Variants in SOX6 observed in about 807,000 individuals in gnomAD.
SOX6 encodes transcription factor SOX-6.
SOX6 carries 11 observed loss-of-function variants against 97.8 expected under a neutral mutation model. The ratio of observed to expected loss-of-function variants is 0.11; its 90% confidence interval spans 0.07 to 0.19. The LOEUF (loss-of-function observed/expected upper bound fraction) is 0.19, where lower values mean the gene tolerates loss of function less well. Ranked by LOEUF, SOX6 falls within the 10% of genes least tolerant of loss-of-function variation. SOX6 has a pLI of 1.00. For synonymous variants in SOX6, 360 were observed against 371.4 expected, an observed-to-expected ratio of 0.97 and a Z score of 0.35; for missense variants, 810 against 1,039.5, an observed-to-expected ratio of 0.78 and a Z score of 3.04.
intron 4 of SOX6, among the ~76,000 whole-genome samples, chr11:16,580,768 C>T (rs958476124): frequency 6.6e-6 from 1 of 152,008 alleles, no homozygotes; most frequent in Non-Finnish European, 1.5e-5. Flanking sequence ...AAAACAACCC[C>T]ATCAAAAAGT....
At position 16,437,316 on chromosome 11, in the gene SOX6, C is replaced by T. The variant is rs185424135; in HGVS notation, c.-5+38999G>A. On this transcript the variant is annotated intron_variant, in intron 1 of 15. Transcript: ENST00000396356. ...GGTAAGGGCCTTAGAAATTCTCTCT[C>T]CTGAACTATTTTAAAATTAATCTTA... Among the ~76,000 whole-genome samples, 248 of 151,730 alleles carry T rather than the reference C, an allele frequency of 1.6e-3. 1 individual carries two copies. The highest frequency in any genetic ancestry group is 2.8e-3 in the Non-Finnish European group (190 of 67,932).
At chr11:16,396,071 T>G (rs1858345685) in intron 1 of SOX6, among the ~76,000 whole-genome samples, 1 of 151,714 alleles carries the variant, frequency 6.6e-6, no homozygotes, top group African/African-American at 2.4e-5. Context: ...CTTATACGTT[T>G]TGTTTCCTGA....
intron 6 of SOX6, among the ~76,000 whole-genome samples, chr11:16,117,487 A>T (rs1407391191): frequency 6.6e-6 from 1 of 152,236 alleles, no homozygotes; most frequent in Non-Finnish European, 1.5e-5. Context: ...ATTAGCAGAA[A>T]GTATAAATTA....
intron 10 of SOX6, among the ~76,000 whole-genome samples, chr11:16,053,547 A>C (rs956392049): frequency 6.6e-6 from 1 of 152,038 alleles, no homozygotes; most frequent in Non-Finnish European, 1.5e-5. Flanking sequence ...AATAATATTA[A>C]CTCCAGTTTT....
intron 3 of SOX6, among the ~76,000 whole-genome samples, chr11:16,299,982 A>C (rs1855209036): frequency 6.6e-6 from 1 of 152,200 alleles, no homozygotes; most frequent in Non-Finnish European, 1.5e-5. Flanking sequence ...TTTGGGGTTA[A>C]TTAGCACGGC....
chr11:16,089,277 G>A (rs1344458074), intron 9 of SOX6, among the ~76,000 whole-genome samples: 2 of 152,096 alleles, frequency 1.3e-5, no homozygotes, highest in African/African-American at 2.4e-5. Context: ...AATAATTCAT[G>A]TTTAGAAAAC....
At position 16,183,878 on chromosome 11, in the gene SOX6, A is replaced by G. The variant is rs1439389451; in HGVS notation, c.777+8T>C. On this transcript the variant is annotated splice_region_variant and intron_variant, in intron 6 of 15. Coordinates refer to ENST00000683767, the MANE Select transcript of SOX6 (RefSeq NM_001367873.1). ...TATAATCAGACGAGAGTAATAAAAT[A>G]CACTGACCTGGATCTGTTGCTGCAG... The G allele has an allele frequency of 6.2e-7, 1 of 1,611,506 alleles. No homozygotes were observed. The highest frequency in any genetic ancestry group is 8.5e-7 in the Non-Finnish European group (1 of 1,178,144).
At position 16,318,181 on chromosome 11, in the gene SOX6, T is replaced by G. The variant is rs142220273; in HGVS notation, c.445+265A>C. 5 of 479,646 alleles carry G rather than the reference T, an allele frequency of 1.0e-5. No homozygotes were observed. The East Asian group carries it at 2.1e-4, about 20-fold the overall frequency. The allele number at this position is 479,646 out of a possible 1,614,324, so 29.7% of individuals were successfully genotyped here. ...ATTCTCTTGTTACCTTTTTCCAGAG[T>G]AGGATTATGGTCAGTTTAAAATCCT... On this transcript the variant is annotated intron_variant, in intron 3 of 15. Coordinates refer to ENST00000683767, the MANE Select transcript of SOX6 (RefSeq NM_001367873.1).
chr11:16,592,830 A>G (rs978253375), intron 4 of SOX6, among the ~76,000 whole-genome samples: 3 of 152,166 alleles, frequency 2.0e-5, no homozygotes, highest in African/African-American at 7.2e-5. Context: ...GCTAATGGAA[A>G]TCCTCTCCAC....
chr11:16,702,835 G>A (rs1390709289), intron 3 of SOX6, among the ~76,000 whole-genome samples: 3 of 151,314 alleles, frequency 2.0e-5, no homozygotes, highest in Non-Finnish European at 4.4e-5. Flanking sequence ...GAAAAATCCT[G>A]AATATTGTAT....
intron 3 of SOX6, among the ~76,000 whole-genome samples, chr11:16,263,757 T>A (rs1853975901): frequency 6.6e-6 from 1 of 151,300 alleles, no homozygotes; most frequent in African/African-American, 2.4e-5. Context: ...AAATGTATTT[T>A]TTTAACTTCA....
At chr11:16,259,333 C>T (rs1053085848) in intron 3 of SOX6, among the ~76,000 whole-genome samples, 4 of 151,980 alleles carry the variant, frequency 2.6e-5, no homozygotes, top group Non-Finnish European at 4.4e-5. Context: ...TTGGAAATCA[C>T]AACATTCTTA....
chr11:16,224,960 T>C (rs919842596), intron 4 of SOX6, among the ~76,000 whole-genome samples: 4 of 152,152 alleles, frequency 2.6e-5, no homozygotes, highest in African/African-American at 7.2e-5. Context: ...GCTCTAACTT[T>C]TGGAGATTCT....
intron 7 of SOX6, among the ~76,000 whole-genome samples, chr11:16,102,441 T>C (rs931311288): frequency 4.6e-5 from 7 of 151,980 alleles, no homozygotes; most frequent in Non-Finnish European, 1.0e-4. Flanking sequence ...ATTTTAAAAA[T>C]GACTATACTG....
chr11:16,420,639 A>ATT (rs1565139271), intron 1 of SOX6, among the ~76,000 whole-genome samples: 1 of 152,076 alleles, frequency 6.6e-6, no homozygotes, highest in African/African-American at 2.4e-5. Flanking sequence ...TTTAAAACGT[A>ATT]TTTTTTTCTT....
At chr11:16,074,844 T>C (rs79213857) in intron 9 of SOX6, among the ~76,000 whole-genome samples, 1,610 of 152,264 alleles carry the variant, frequency 0.011, 27 homozygotes, top group African/African-American at 0.037. Context: ...ATCAATGACA[T>C]TCTTCATAGA....
intron 2 of SOX6, among the ~76,000 whole-genome samples, chr11:16,727,197 A>G (rs1590066413): frequency 6.7e-6 from 1 of 148,220 alleles, no homozygotes; most frequent in African/African-American, 2.6e-5. Flanking sequence ...TTTTGGGGAA[A>G]TATGTCATGA....
At chr11:15,983,202 C>T (rs148767066) in intron 15 of SOX6, among the ~76,000 whole-genome samples, 3 of 152,194 alleles carry the variant, frequency 2.0e-5, no homozygotes, top group East Asian at 1.9e-4. Context: ...CACACATACA[C>T]ACACACATTT....
intron 6 of SOX6, among the ~76,000 whole-genome samples, chr11:16,118,746 G>T (rs1354935234): frequency 6.6e-6 from 1 of 152,136 alleles, no homozygotes; most frequent in African/African-American, 2.4e-5. Context: ...TCTCTTTCAT[G>T]AAGATTATTT....
Sources: gnomAD v4.1 joint callset for allele counts (sites outside exome capture counted in the v4.1 genomes callset) on GRCh38, gnomAD v4.1.1 for gene constraint, MANE v1.5 for transcripts, NCBI Gene and HGNC (gene_info 2026-07-23, HGNC 2026-07-21) for gene names.